Variants in EPC1 observed in about 807,000 individuals in gnomAD.
EPC1 encodes enhancer of polycomb 1, also known as enhancer of polycomb homolog 1.
A neutral mutation model predicts 98.4 loss-of-function variants in EPC1; 12 were observed. The observed-to-expected ratio is 0.12, with a 90% confidence interval of 0.08 to 0.20. The LOEUF is 0.20. EPC1 is among the 10% of genes least tolerant of loss of function. The pLI, the probability that EPC1 is intolerant of heterozygous loss-of-function variation, is 1.00. For synonymous variants in EPC1, 357 were observed against 363.9 expected, an observed-to-expected ratio of 0.98 and a Z score of 0.21; for missense variants, 729 against 990.5, an observed-to-expected ratio of 0.74 and a Z score of 3.54.
chr10:32,367,365 T>G (rs2133115444), intron 1 of EPC1, among the ~76,000 whole-genome samples: 1 of 152,274 alleles, frequency 6.6e-6, no homozygotes, highest in South Asian at 2.1e-4. Context: ...AAACAATAGC[T>G]GAAGAAACTT....
At chr10:32,274,350 A>G (rs925310979) in intron 10 of EPC1, among the ~76,000 whole-genome samples, 16 of 152,162 alleles carry the variant, frequency 1.1e-4, no homozygotes, top group Admixed American at 9.2e-4. Context: ...CTTCAGTTTG[A>G]TAATTTAGTT....
At chr10:32,297,878 AG>A (rs1835265256) in intron 2 of EPC1, among the ~76,000 whole-genome samples, 1 of 152,030 alleles carries the variant, frequency 6.6e-6, no homozygotes, top group Non-Finnish European at 1.5e-5. Context: ...GCTCACTGCA[AG>A]CTCCGCCTCC....
intron 1 of EPC1, chr10:32,345,293 G>A (rs989044588): frequency 1.0e-6 from 1 of 985,384 alleles, no homozygotes; most frequent in Non-Finnish European, 1.2e-6. Context: ...TGGCTTATCT[G>A]TAAAGTTAGA....
rs1476370806 is a variant in EPC1, at chr10:32,346,818, G to A, written c.98C>T (p.Ser33Leu). ...CATCTGCGGCACGGCCCTGTTTATCGAGGCGTATTCGTGCAGGTCGGGCAG... is the reference window on the plus strand; with the variant it reads ...CATCTGCGGCACGGCCCTGTTTATCAAGGCGTATTCGTGCAGGTCGGGCAG... ...EDLPDLHEYASINRAVPQMPT... is the reference protein window; with the variant it reads ...EDLPDLHEYALINRAVPQMPT... The change falls in exon 1 of 14, where the codon TCG becomes TTG. Residue 33 changes from serine (S) to leucine (L), a missense_variant. This residue lies in a region of EPC1 where 46 missense variants were observed against 119.7 expected (regional missense o/e 0.38). Coordinates refer to ENST00000319778, the MANE Select transcript of EPC1 (RefSeq NM_001272004.3). 1 of 1,614,186 alleles carries A rather than the reference G, an allele frequency of 6.2e-7. No homozygotes were observed. The highest frequency in any genetic ancestry group is 1.7e-5 in the Admixed American group (1 of 60,034).
intron 2 of EPC1, among the ~76,000 whole-genome samples, chr10:32,293,953 G>C (rs1461041319): frequency 6.6e-6 from 1 of 152,092 alleles, no homozygotes; most frequent in East Asian, 1.9e-4. Flanking sequence ...ATACATATAA[G>C]TAATAAAAGA....
chr10:32,271,049 G>A (rs192636906), intron 13 of EPC1, among the ~76,000 whole-genome samples: 1 of 151,112 alleles, frequency 6.6e-6, no homozygotes. Flanking sequence ...TGGCCAGAGT[G>A]CAATGGTGCG....
At chr10:32,297,282 CTTTTTT>C (rs555311885) in intron 2 of EPC1, among the ~76,000 whole-genome samples, 1 of 135,352 alleles carries the variant, frequency 7.4e-6, no homozygotes, top group Non-Finnish European at 1.6e-5. Flanking sequence ...GTTAATAATT[CTTTTTT>C]TTTTTTTTTT....
At chr10:32,343,314 G>A (rs548099892) in intron 1 of EPC1, among the ~76,000 whole-genome samples, 36 of 152,164 alleles carry the variant, frequency 2.4e-4, no homozygotes, top group Non-Finnish European at 3.8e-4. Context: ...GGGTTCAAGC[G>A]ATTCTCCTGC....
rs555889872 is a variant in EPC1 at position 32,360,766 on chromosome 10, C to T, written c.3+17725G>A. ...AAACTTAGCCAGGCGCAGTGGCCTG[C>T]GCCTGTAGTCCCAGCTACTTGGGAG... On this transcript the variant is annotated intron_variant, in intron 1 of 13. Transcript: ENST00000375110. Among the ~76,000 whole-genome samples, 4 of 152,208 alleles carry T rather than the reference C, an allele frequency of 2.6e-5. No individual in the cohort carries two copies. The East Asian group carries it at 7.8e-4, about 30-fold the overall frequency.
intron 1 of EPC1, among the ~76,000 whole-genome samples, chr10:32,337,285 C>A (rs1427290478): frequency 6.6e-6 from 1 of 152,196 alleles, no homozygotes; most frequent in Admixed American, 6.5e-5. Context: ...GAGGCCTTTC[C>A]ATTCTGGTTA....
intron 2 of EPC1, among the ~76,000 whole-genome samples, chr10:32,298,076 C>T (rs956256155): frequency 9.2e-5 from 14 of 152,114 alleles, no homozygotes; most frequent in Non-Finnish European, 8.8e-5. Flanking sequence ...GGATTACAGG[C>T]GTGAGCCACC....
intron 1 of EPC1, among the ~76,000 whole-genome samples, chr10:32,342,892 AAG>A (rs893929709): frequency 6.6e-6 from 1 of 150,382 alleles, no homozygotes; most frequent in Admixed American, 6.6e-5. Flanking sequence ...AATTTTAATC[AAG>A]AGTCAATTTT....
intron 1 of EPC1, among the ~76,000 whole-genome samples, chr10:32,378,306 G>GA (rs11443059): frequency 0.53 from 79,978 of 150,112 alleles, 23,149 homozygotes; most frequent in East Asian, 0.69. Flanking sequence ...CTTTAACAAT[G>GA]AAAAAAAAAA....
In EPC1 at chr10:32,291,398, A is replaced by G. The variant is rs1300296493; in HGVS notation, c.816-76T>C. On this transcript the variant is annotated intron_variant, in intron 5 of 13. Coordinates refer to ENST00000319778, the MANE Select transcript of EPC1 (RefSeq NM_001272004.3). ...ATGTGATGTTTTGATATACATTTAT[A>G]CTGTGAAATAATTACCACAATCAAG... 5.3e-6 allele frequency: 6 copies of G among 1,128,662 alleles called. No individual in the cohort carries two copies. The Admixed American group carries it at 6.8e-5, about 13-fold the overall frequency. The allele number at this position is 1,128,662 out of a possible 1,614,324, so 69.9% of individuals were successfully genotyped here. A position where few individuals can be genotyped will look rare whatever the true frequency, so the allele number is the denominator to read the frequency against.
intron 5 of EPC1, 97 bp from the exon 6 acceptor site, chr10:32,291,419 T>C (rs1834844186): frequency 1.1e-6 from 1 of 934,192 alleles, no homozygotes; most frequent in South Asian, 1.9e-5. Context: ...ATTACCACAA[T>C]CAAGCTAATT....
chr10:32,278,960 T>G (rs997922573), intron 10 of EPC1, among the ~76,000 whole-genome samples: 1 of 152,198 alleles, frequency 6.6e-6, no homozygotes, highest in Non-Finnish European at 1.5e-5. Flanking sequence ...ATTCTTGCAT[T>G]TTATTATATG....
chr10:32,361,973 C>A (rs1401807189), intron 1 of EPC1, among the ~76,000 whole-genome samples: 2 of 152,178 alleles, frequency 1.3e-5, no homozygotes, highest in Admixed American at 1.3e-4. Context: ...TACACTCCCA[C>A]CAGCATCAGG....
chr10:32,357,522 G>A (rs114759088), intron 1 of EPC1, among the ~76,000 whole-genome samples: 1,752 of 152,296 alleles, frequency 0.012, 38 homozygotes, highest in African/African-American at 0.04. Flanking sequence ...GTGCAGTTGT[G>A]CTATCACGGC....
Position 32,278,800 on chromosome 10 carries a change from G to A in EPC1, c.1745-5519C>T, listed in dbSNP as rs972935979. Among the ~76,000 whole-genome samples, 8 of 152,160 alleles carry A rather than the reference G, an allele frequency of 5.3e-5. No homozygotes were observed. The East Asian group carries it at 1.2e-3, about 22-fold the overall frequency. On this transcript the variant is annotated intron_variant, in intron 10 of 13. Coordinates refer to ENST00000319778, the MANE Select transcript of EPC1 (RefSeq NM_001272004.3). The stretch of plus-strand genomic sequence containing the variant: ...GTGAGATTGAGTTGACAGGGTTCAC[G>A]AGCCTTATCAGCCATCTAGCAATCT...
Sources: gnomAD v4.1 joint callset for allele counts (sites outside exome capture counted in the v4.1 genomes callset) on GRCh38, gnomAD v4.1.1 for gene constraint, gnomAD v4.1.1 regional missense constraint, MANE v1.5 for transcripts, NCBI Gene and HGNC (gene_info 2026-07-23, HGNC 2026-07-21) for gene names.